The following TEX14 variants were observed in gnomAD, a reference collection of about 807,000 sequenced individuals.
TEX14 encodes the protein inactive serine/threonine-protein kinase TEX14.
In TEX14, 168 loss-of-function variants were observed where a neutral mutation model predicts 178.6. The observed-to-expected ratio is 0.94, with a 90% CI of 0.83 to 1.07. The LOEUF (loss-of-function observed/expected upper bound fraction) is 1.07, where lower values mean the gene tolerates loss of function less well. TEX14 is among the 50% of genes least tolerant of loss of function. The pLI, the probability that TEX14 is intolerant of heterozygous loss-of-function variation, is 0.00. For missense variants in TEX14, 1,730 were observed against 1,753.6 expected (o/e 0.99, Z 0.24); for synonymous variants, 626 against 634.1 (o/e 0.99, Z 0.19).
At chr17:58,635,502 C>T (rs2046415058) in intron 2 of TEX14, among the ~76,000 whole-genome samples, 1 of 151,254 alleles carries the variant, frequency 6.6e-6, no homozygotes, top group Non-Finnish European at 1.5e-5. Flanking sequence ...TGATCTTGGC[C>T]CACTGCATCC....
At chr17:58,654,229 G>C (rs2046901545) in intron 1 of TEX14, among the ~76,000 whole-genome samples, 1 of 151,970 alleles carries the variant, frequency 6.6e-6, no homozygotes, top group South Asian at 2.1e-4. Flanking sequence ...GTACTACAAG[G>C]GCTGGAATGC....
At chr17:58,560,332 T>G (rs2044248947) in intron 29 of TEX14, among the ~76,000 whole-genome samples, 1 of 152,184 alleles carries the variant, frequency 6.6e-6, no homozygotes, top group South Asian at 2.1e-4. Context: ...CTCTTAATAT[T>G]TTCCCACTAA....
chr17:58,586,042 CT>C lies in TEX14; in HGVS notation c.2828del (p.Gln943ArgfsTer13). The C allele has an allele frequency of 1.2e-6, 2 of 1,614,048 alleles. No homozygotes were observed. The highest frequency in any genetic ancestry group is 1.7e-6 in the Non-Finnish European group (2 of 1,179,932). ...KEMAKKAATGQLTVPPWHPQS... is the reference protein window; with the variant it reads ...KEMAKKAATGXLTVPPWHPQS... ...GAGGATGCCAAGGAGGTACTGTGAG[CT>C]GTCCAGTAGCTGCTTTCTTTGCCAT... On this transcript the variant is annotated frameshift_variant, in exon 18 of 32. Transcript: ENST00000349033. LOFTEE classifies it high-confidence loss of function.
chr17:58,632,098 T>C (rs867136302), intron 2 of TEX14, among the ~76,000 whole-genome samples: 1 of 152,184 alleles, frequency 6.6e-6, no homozygotes, highest in Non-Finnish European at 1.5e-5. Context: ...CCCATTTTCC[T>C]CCACGCGTAA....
chr17:58,590,373 C>G (rs1187768099), intron 15 of TEX14, among the ~76,000 whole-genome samples: 1 of 151,644 alleles, frequency 6.6e-6, no homozygotes, highest in Admixed American at 6.6e-5. Context: ...TTAAAATCTT[C>G]AAACCCTTTG....
At chr17:58,643,763 T>C (rs1240234758) in intron 2 of TEX14, among the ~76,000 whole-genome samples, 3 of 146,784 alleles carry the variant, frequency 2.0e-5, no homozygotes, top group East Asian at 4.0e-4. Context: ...ACCCAGCTAA[T>C]AGGGAGGCTG....
At chr17:58,594,964 G>C (rs941300413) in intron 14 of TEX14, among the ~76,000 whole-genome samples, 4 of 152,112 alleles carry the variant, frequency 2.6e-5, no homozygotes, top group Non-Finnish European at 5.9e-5. Context: ...GTGAGAAGGA[G>C]GCACAAAAAA....
At chr17:58,557,101 G>C in intron 31 of TEX14, 54 bp from the exon 32 acceptor site, 1 of 1,400,408 alleles carries the variant, frequency 7.1e-7, no homozygotes, top group Middle Eastern at 1.8e-4. Flanking sequence ...TGGTATGTGT[G>C]TTTTTTAAAG....
intron 2 of TEX14, chr17:58,631,850 G>A (rs1394089612): frequency 1.3e-5 from 2 of 152,124 alleles, no homozygotes; most frequent in Non-Finnish European, 2.9e-5. Context: ...GTCCATTTAT[G>A]TGCCTTCCAC....
At chr17:58,581,255 G>C (rs1598355293) in intron 19 of TEX14, among the ~76,000 whole-genome samples, 2 of 149,110 alleles carry the variant, frequency 1.3e-5, no homozygotes, top group Admixed American at 1.3e-4. Flanking sequence ...AGGATGCGGT[G>C]AGCCGAGATC....
At chr17:58,619,556 C>G (rs898998094) in intron 5 of TEX14, among the ~76,000 whole-genome samples, 2 of 152,060 alleles carry the variant, frequency 1.3e-5, no homozygotes, top group Non-Finnish European at 2.9e-5. Context: ...GCCTGTAATC[C>G]CAGCATTTCA....
At chr17:58,665,021 G>C (rs2047181599) in intron 1 of TEX14, among the ~76,000 whole-genome samples, 1 of 152,138 alleles carries the variant, frequency 6.6e-6, no homozygotes, top group Admixed American at 6.6e-5. Context: ...GTTTGTGGAA[G>C]TAATACAGCA....
intron 1 of TEX14, chr17:58,660,956 T>TGA: frequency 8.9e-7 from 1 of 1,119,950 alleles, no homozygotes; most frequent in Non-Finnish European, 1.4e-6. Flanking sequence ...CTTTATTTCC[T>TGA]GATCAATGCT....
intron 2 of TEX14, among the ~76,000 whole-genome samples, chr17:58,648,574 GA>G (rs1191645662): frequency 6.6e-6 from 1 of 152,112 alleles, no homozygotes. Flanking sequence ...CAACTCCAGG[GA>G]ACACTGCAGC....
chr17:58,561,807 C>T (rs1598338928), intron 28 of TEX14, among the ~76,000 whole-genome samples, 195 bp from the exon 29 acceptor site: 1 of 152,154 alleles, frequency 6.6e-6, no homozygotes, highest in African/African-American at 2.4e-5. Context: ...ATGCACTGGT[C>T]GGGTGTGGTG....
At chr17:58,642,856 C>T (rs187374096) in intron 2 of TEX14, among the ~76,000 whole-genome samples, 34 of 152,280 alleles carry the variant, frequency 2.2e-4, no homozygotes, top group Non-Finnish European at 3.8e-4. Context: ...TACATTCTCA[C>T]TTAGTTCATG....
rs757449797 is a variant in TEX14 at position 58,598,916 on chromosome 17, G to T, written c.2429C>A (p.Thr810Asn). ...LQLSGGQKPD[T>N]SGNYPTLPRF... ...TGGTAGGGTTGGGTAGTTGCCACTG[G>T]TGTCTGGCTTCTGACCCCCTGAAAG... Residue 810 changes from threonine (T) to asparagine (N), a missense_variant, in exon 14 of 32, where the codon ACC becomes AAC. By Grantham distance (65) the Thr-to-Asn change is moderately conservative. Coordinates refer to ENST00000349033, the MANE Select transcript of TEX14 (RefSeq NM_031272.5). 9 of 1,613,640 alleles carry T rather than the reference G, an allele frequency of 5.6e-6. No individual in the cohort carries two copies. In the East Asian group the frequency reaches 1.6e-4, roughly 28 times the overall value.
At chr17:58,592,337 CTTTT>C (rs750203217) in intron 15 of TEX14, among the ~76,000 whole-genome samples, 2 of 136,988 alleles carry the variant, frequency 1.5e-5, no homozygotes, top group African/African-American at 2.7e-5. Context: ...TCGAGTGATT[CTTTT>C]TTTTTTTTTT....
Position 58,584,600 on chromosome 17 carries a change from C to A in TEX14, c.3071G>T (p.Ser1024Ile). ...TTGTCTGGGAGATGGGTGCCTGATA[C>A]CTAATGATTGTAACACAGTCAGGGT... ...GRQPRLGSFT[S>I]IRHPSPRQKE... Residue 1024 changes from serine to isoleucine, a missense_variant and splice_region_variant, in exon 19 of 32, where the codon AGT becomes ATT. By Grantham distance (142) the Ser-to-Ile change is moderately radical. Around this residue, in one of 2 missense-constraint regions of TEX14, gnomAD observed 941 missense variants for 1,072.4 expected, o/e 0.88. Transcript: ENST00000349033. 6.2e-7 allele frequency: 1 copy of A among 1,611,500 alleles called. No homozygotes were observed. Among genetic ancestry groups the A allele is most frequent in the Non-Finnish European group, 8.5e-7 (1 of 1,177,640 alleles).
Sources: gnomAD v4.1 joint callset for allele counts (sites outside exome capture counted in the v4.1 genomes callset) on GRCh38, gnomAD v4.1.1 for gene constraint, gnomAD v4.1.1 regional missense constraint, MANE v1.5 for transcripts, NCBI Gene and HGNC (gene_info 2026-07-23, HGNC 2026-07-21) for gene names.